GRB10: variants seen among roughly 807,000 people sequenced by gnomAD.
The protein encoded by GRB10 is growth factor receptor-bound protein 10.
GRB10 carries 20 observed loss-of-function variants against 80.9 expected under a neutral mutation model. The ratio of observed to expected loss-of-function variants is 0.25; its 90% CI spans 0.17 to 0.36. The LOEUF (loss-of-function observed/expected upper bound fraction) is 0.36, where lower values mean the gene tolerates loss of function less well. GRB10 is among the 10% of genes least tolerant of loss of function. GRB10 has a pLI of 1.00. For synonymous variants in GRB10, 291 were observed against 291.5 expected (o/e 1.00, Z 0.02); for missense variants, 548 against 747.7 (o/e 0.73, Z 3.12).
At chr7:50,714,056 C>T (rs1587346663) in intron 4 of GRB10, among the ~76,000 whole-genome samples, 1 of 152,184 alleles carries the variant, frequency 6.6e-6, no homozygotes, top group Non-Finnish European at 1.5e-5. Flanking sequence ...CCACCTCTAC[C>T]ATCACCTCTA....
intron 14 of GRB10, among the ~76,000 whole-genome samples, chr7:50,606,030 A>G (rs1190280877): frequency 4.6e-5 from 7 of 152,214 alleles, no homozygotes; most frequent in Admixed American, 2.0e-4. Context: ...AAGGCAGGAA[A>G]GGCAGTACCC....
At chr7:50,730,367 A>T (rs2069466163) in intron 4 of GRB10, among the ~76,000 whole-genome samples, 1 of 152,212 alleles carries the variant, frequency 6.6e-6, no homozygotes, top group Non-Finnish European at 1.5e-5. Flanking sequence ...TGTATGTTGA[A>T]GGTTTTAAGA....
chr7:50,722,197 C>T (rs531997099), intron 4 of GRB10, among the ~76,000 whole-genome samples: 13 of 152,218 alleles, frequency 8.5e-5, no homozygotes, highest in Admixed American at 3.3e-4. Flanking sequence ...ACCTGCACCA[C>T]GCCACAGCCC....
intron 7 of GRB10, among the ~76,000 whole-genome samples, chr7:50,663,040 T>A (rs2059437066): frequency 6.6e-6 from 1 of 152,236 alleles, no homozygotes; most frequent in African/African-American, 2.4e-5. Flanking sequence ...CTTAAAACAT[T>A]TCTTTCAAAG....
intron 7 of GRB10, among the ~76,000 whole-genome samples, chr7:50,657,593 G>T (rs1171454842): frequency 6.6e-6 from 1 of 152,170 alleles, no homozygotes; most frequent in African/African-American, 2.4e-5. Flanking sequence ...AGAAACTACT[G>T]CCCTGATTCT....
chr7:50,665,850 G>A (rs1215652890), intron 7 of GRB10, among the ~76,000 whole-genome samples: 1 of 152,174 alleles, frequency 6.6e-6, no homozygotes, highest in Non-Finnish European at 1.5e-5. Flanking sequence ...ATCAGAAGTA[G>A]CCCCCTTTGC....
At chr7:50,791,871 T>TTAAAATA (rs2078931444) in intron 1 of GRB10, among the ~76,000 whole-genome samples, 1 of 150,926 alleles carries the variant, frequency 6.6e-6, no homozygotes, top group African/African-American at 2.4e-5. Context: ...GTGCTTTTAC[T>TTAAAATA]TAAAATACTC....
chr7:50,747,967 C>G (rs1369952971), intron 3 of GRB10, among the ~76,000 whole-genome samples: 1 of 152,104 alleles, frequency 6.6e-6, no homozygotes, highest in African/African-American at 2.4e-5. Context: ...AGGAAGCATA[C>G]CTGCAGGTAG....
At chr7:50,730,436 C>T (rs6593140) in intron 4 of GRB10, among the ~76,000 whole-genome samples, 138,398 of 152,242 alleles carry the variant, frequency 0.91, 63,050 homozygotes, top group African/African-American at 0.97. Flanking sequence ...ATAATTACGA[C>T]TGCTCAAGAC....
chr7:50,656,029 G>A (rs2058609382), intron 7 of GRB10, among the ~76,000 whole-genome samples: 1 of 152,204 alleles, frequency 6.6e-6, no homozygotes, highest in African/African-American at 2.4e-5. Context: ...GGGCAAGGCT[G>A]TGTCTGCCCT....
intron 7 of GRB10, chr7:50,645,580 C>T: frequency 4.1e-6 from 4 of 983,856 alleles, no homozygotes; most frequent in Non-Finnish European, 4.8e-6. Context: ...GTACCTGAAA[C>T]TGACTGTGCA....
upstream of GRB10, among the ~76,000 whole-genome samples, chr7:50,785,546 C>T (rs2078658130): frequency 6.6e-6 from 1 of 152,240 alleles, no homozygotes; most frequent in Non-Finnish European, 1.5e-5. Flanking sequence ...CCACCCCAAC[C>T]CCTTCCCAGC....
At chr7:50,600,192 G>A (rs1156648185) in intron 17 of GRB10, among the ~76,000 whole-genome samples, 1 of 152,158 alleles carries the variant, frequency 6.6e-6, no homozygotes, top group Non-Finnish European at 1.5e-5. Flanking sequence ...GGTATACACT[G>A]TATTAGAAGC....
At chr7:50,665,657 C>A (rs1471622862) in intron 7 of GRB10, among the ~76,000 whole-genome samples, 2 of 152,210 alleles carry the variant, frequency 1.3e-5, no homozygotes, top group African/African-American at 4.8e-5. Flanking sequence ...CTGGGTGGGA[C>A]CAGGGAGGTG....
At chr7:50,651,084 C>G (rs2057952824) in intron 7 of GRB10, among the ~76,000 whole-genome samples, 1 of 152,116 alleles carries the variant, frequency 6.6e-6, no homozygotes, top group East Asian at 1.9e-4. Context: ...ATCTGAGGAC[C>G]AATTAATTAT....
intron 3 of GRB10, among the ~76,000 whole-genome samples, chr7:50,749,236 C>T (rs2073698180): frequency 6.7e-6 from 1 of 150,048 alleles, no homozygotes; most frequent in Admixed American, 6.7e-5. Context: ...TCAAGCGATT[C>T]TCCTGCCTCA....
chr7:50,605,247 C>T, intron 15 of GRB10, 43 bp downstream of exon 15: 1 of 1,474,614 alleles, frequency 6.8e-7, no homozygotes. Context: ...GGGGCTACCA[C>T]CTTGAGGGTG....
At chr7:50,641,290 C>G (rs1476587826) in intron 7 of GRB10, among the ~76,000 whole-genome samples, 1 of 151,410 alleles carries the variant, frequency 6.6e-6, no homozygotes, top group African/African-American at 2.5e-5. Context: ...GGGGGGGTAG[C>G]CTTCATTCAA....
At chr7:50,678,545 A>C (rs1042189685) in intron 5 of GRB10, among the ~76,000 whole-genome samples, 5 of 151,834 alleles carry the variant, frequency 3.3e-5, no homozygotes, top group African/African-American at 1.2e-4. Flanking sequence ...AGATAATAAA[A>C]TCAATTATGG....
Sources: allele counts gnomAD v4.1 joint callset (sites outside exome capture counted in the v4.1 genomes callset), GRCh38; gene constraint gnomAD v4.1.1; transcripts MANE v1.5; gene names NCBI Gene and HGNC (gene_info 2026-07-23, HGNC 2026-07-21).